AUH: variants seen among roughly 807,000 people sequenced by gnomAD.
The protein encoded by AUH is AU RNA binding methylglutaconyl-CoA hydratase.
Under a neutral mutation model 42.3 loss-of-function variants are expected in AUH, and 29 were observed. The observed-to-expected ratio is 0.69, with a 90% CI of 0.51 to 0.93. The LOEUF (loss-of-function observed/expected upper bound fraction) is 0.93. Ranked by LOEUF, AUH falls within the 40% of genes least tolerant of loss-of-function variation. The pLI is 0.00. For missense variants in AUH, 452 were observed against 438.1 expected, an observed-to-expected ratio of 1.03 and a Z score of -0.28; for synonymous variants, 174 against 166.4, an observed-to-expected ratio of 1.05 and a Z score of -0.35.
chr9:91,313,650 AG>A (rs921623149), intron 4 of AUH, among the ~76,000 whole-genome samples: 4 of 143,922 alleles, frequency 2.8e-5, no homozygotes, highest in Non-Finnish European at 6.0e-5. Context: ...GCTTGCAGTG[AG>A]CCGAGATTGC....
chr9:91,238,613 G>A (rs1314406284), intron 6 of AUH, among the ~76,000 whole-genome samples: 4 of 152,176 alleles, frequency 2.6e-5, no homozygotes, highest in Non-Finnish European at 4.4e-5. Flanking sequence ...CACTTGGATA[G>A]AATAAAGATA....
rs1010142179 is a variant in AUH, at chr9:91,285,510, C to T, written c.655+10511G>A. Reference sequence around the variant, plus strand: ...ACAGAAGCCACACTGTTTTTCTGAACTCATTGACTCCCAGCTTTATATTGC... The same window carrying T: ...ACAGAAGCCACACTGTTTTTCTGAATTCATTGACTCCCAGCTTTATATTGC... On this transcript the variant is annotated intron_variant, in intron 6 of 9. Transcript: ENST00000375731. 2.0e-5 allele frequency among the ~76,000 whole-genome samples: 3 copies of T among 151,984 alleles called. No individual in the cohort carries two copies. In the East Asian group the frequency reaches 5.8e-4, roughly 29 times the overall value.
chr9:91,234,875 G>C (rs965567183), intron 6 of AUH, among the ~76,000 whole-genome samples: 9 of 148,822 alleles, frequency 6.0e-5, no homozygotes, highest in African/African-American at 2.2e-4. Context: ...AGATTGGGTG[G>C]TTGGAGAAGG....
chr9:91,291,922 C>CAAA (rs10592483), intron 6 of AUH, among the ~76,000 whole-genome samples: 1 of 87,404 alleles, frequency 1.1e-5, no homozygotes, highest in Non-Finnish European at 2.3e-5. Context: ...GACTCCGTGT[C>CAAA]AAAAAAAAAA....
intron 6 of AUH, among the ~76,000 whole-genome samples, chr9:91,245,351 C>A (rs1828737791): frequency 6.6e-6 from 1 of 152,100 alleles, no homozygotes; most frequent in African/African-American, 2.4e-5. Context: ...CAATGGCAGC[C>A]AATGAAAAGT....
chr9:91,228,150 C>CT (rs1462555606), intron 6 of AUH, among the ~76,000 whole-genome samples: 45 of 151,700 alleles, frequency 3.0e-4, no homozygotes, highest in African/African-American at 1.1e-3. Flanking sequence ...CCTTGTACCT[C>CT]TGGTAGAATT....
intron 6 of AUH, among the ~76,000 whole-genome samples, chr9:91,239,174 T>G (rs1828359611): frequency 6.6e-6 from 1 of 151,610 alleles, no homozygotes; most frequent in Non-Finnish European, 1.5e-5. Context: ...TTTTTATCCT[T>G]CATCTTTTCC....
chr9:91,299,396 T>A lies in AUH; in HGVS notation c.506-1320A>T, dbSNP rs377625901. 2.6e-5 allele frequency among the ~76,000 whole-genome samples: 4 copies of A among 152,246 alleles called. No individual in the cohort carries two copies. The East Asian group carries it at 7.7e-4, about 29-fold the overall frequency. On this transcript the variant is annotated intron_variant, in intron 4 of 9. Transcript: ENST00000375731. ...AAAGGAATTCATCACTTATTGAAGA[T>A]CAAGTCTGAAAAGGCCAGGAAGGAG...
At chr9:91,325,081 T>C (rs1318654701) in intron 4 of AUH, among the ~76,000 whole-genome samples, 2 of 152,144 alleles carry the variant, frequency 1.3e-5, no homozygotes, top group African/African-American at 2.4e-5. Context: ...AAATTATTAT[T>C]GTTGTCTAAT....
chr9:91,229,866 G>A (rs528529342), intron 6 of AUH, among the ~76,000 whole-genome samples: 1 of 151,854 alleles, frequency 6.6e-6, no homozygotes, highest in South Asian at 2.1e-4. Context: ...TTTTCTTTAA[G>A]AATGTTGAAT....
chr9:91,309,019 T>C (rs1259034605), intron 4 of AUH, among the ~76,000 whole-genome samples: 18 of 151,798 alleles, frequency 1.2e-4, no homozygotes, highest in Admixed American at 1.2e-3. Context: ...CTCGAACTCC[T>C]GACCTCAGGT....
intron 6 of AUH, among the ~76,000 whole-genome samples, chr9:91,228,975 A>T (rs1323007764): frequency 3.3e-5 from 5 of 152,130 alleles, no homozygotes; most frequent in East Asian, 1.9e-4. Context: ...TACTTCCAAG[A>T]ATGTGGTCAA....
rs575733332 is a variant in AUH, at chr9:91,325,099, T to A, written c.505+219A>T. ...TTATTATTGTTGTCTAATAAATAAA[T>A]ACCTTCATATTTTATCATACATAAG... On this transcript the variant is annotated intron_variant, in intron 4 of 9. Coordinates refer to ENST00000375731, the MANE Select transcript of AUH (RefSeq NM_001698.3). Among the ~76,000 whole-genome samples the A allele has an allele frequency of 4.3e-3, 661 of 152,198 alleles. 4 individuals are homozygous for A. Among genetic ancestry groups the A allele is most frequent in the Admixed American group, 0.011 (167 of 15,300 alleles).
At chr9:91,356,195 C>A in intron 1 of AUH, 40 bp from the exon 2 acceptor site, 1 of 1,541,622 alleles carries the variant, frequency 6.5e-7, no homozygotes, top group Non-Finnish European at 9.0e-7. Flanking sequence ...CTTGAGTGAG[C>A]AAGGCATTCA....
intron 6 of AUH, among the ~76,000 whole-genome samples, chr9:91,234,337 A>G (rs764211286): frequency 6.6e-6 from 1 of 152,216 alleles, no homozygotes; most frequent in Non-Finnish European, 1.5e-5. Context: ...AGATTTGCCA[A>G]GCTCACAAAG....
chr9:91,297,659 C>G (rs1324988468), intron 5 of AUH, among the ~76,000 whole-genome samples: 2 of 151,592 alleles, frequency 1.3e-5, no homozygotes, highest in Non-Finnish European at 2.9e-5. Context: ...ATGGCACGAT[C>G]ATGGCTCACT....
chr9:91,259,430 C>CT (rs544910211), intron 6 of AUH, among the ~76,000 whole-genome samples: 181 of 144,674 alleles, frequency 1.3e-3, no homozygotes, highest in African/African-American at 3.4e-3. Context: ...ATCAGGTTGG[C>CT]TTTTTTTTTT....
chr9:91,313,562 G>A (rs1281101639), intron 4 of AUH, among the ~76,000 whole-genome samples: 10 of 151,698 alleles, frequency 6.6e-5, no homozygotes, highest in African/African-American at 1.9e-4. Flanking sequence ...AAAATTAGCC[G>A]GGCGCGGTGG....
chr9:91,329,447 G>C (rs1188875476), intron 3 of AUH, among the ~76,000 whole-genome samples: 1 of 152,156 alleles, frequency 6.6e-6, no homozygotes, highest in African/African-American at 2.4e-5. Context: ...ATTCTAGTGA[G>C]TGTGAAGTGG....
Sources: allele counts gnomAD v4.1 joint callset (sites outside exome capture counted in the v4.1 genomes callset), GRCh38; gene constraint gnomAD v4.1.1; transcripts MANE v1.5; gene names NCBI Gene and HGNC (gene_info 2026-07-23, HGNC 2026-07-21).